CASK: variants seen among roughly 807,000 people sequenced by gnomAD.
CASK encodes calcium/calmodulin dependent serine protein kinase.
A neutral mutation model predicts 82.9 loss-of-function variants in CASK; 4 were observed. The ratio of observed to expected loss-of-function variants is 0.05; its 90% confidence interval spans 0.02 to 0.11. The LOEUF (loss-of-function observed/expected upper bound fraction) is 0.11. Ranked by LOEUF, CASK falls within the 10% of genes least tolerant of loss-of-function variation. The pLI is 1.00. For missense variants in CASK, 358 were observed against 720.9 expected (o/e 0.50, Z 5.76); for synonymous variants, 259 against 253.5 (o/e 1.02, Z -0.20).
In CASK at chrX:41,756,083, T is replaced by C. The variant is rs139728364; in HGVS notation, c.279-10482A>G. On this transcript the variant is annotated intron_variant, in intron 3 of 26. Coordinates refer to ENST00000378163, the MANE Select transcript of CASK (RefSeq NM_001367721.1). ...AAGGCCAAGAAGACTCAAGATATTC[T>C]GGAAGAATAACACCTCTTGGAGTTT... is the stretch of plus-strand genomic sequence containing the variant. 9.8e-3 allele frequency among the ~76,000 whole-genome samples: 1,094 copies of C among 112,191 alleles called. 16 individuals are homozygous for C. Among genetic ancestry groups the C allele is most frequent in the African/African-American group, 0.034 (1,041 of 30,923 alleles).
intron 22 of CASK, 46 bp downstream of exon 22, chrX:41,542,645 T>G: frequency 7.4e-6 from 6 of 812,027 alleles, no homozygotes; most frequent in South Asian, 2.1e-5. Flanking sequence ...TTTTAGGTCT[T>G]GGAGATGCTT....
At chrX:41,783,481 G>A (rs1204322831) in intron 3 of CASK, among the ~76,000 whole-genome samples, 3 of 107,796 alleles carry the variant, frequency 2.8e-5, no homozygotes, top group African/African-American at 1.0e-4. Context: ...CCTGGGAGAC[G>A]GAGGTTGCAG....
intron 12 of CASK, among the ~76,000 whole-genome samples, chrX:41,591,884 C>A (rs1352894937): frequency 1.8e-5 from 2 of 111,312 alleles, no homozygotes; most frequent in Admixed American, 9.6e-5. Context: ...CATTTAGTCA[C>A]CCCCTGACGT....
At chrX:41,629,479 C>T (rs1044923274) in intron 9 of CASK, among the ~76,000 whole-genome samples, 1 of 111,896 alleles carries the variant, frequency 8.9e-6, no homozygotes, top group Non-Finnish European at 1.9e-5. Context: ...GGCTTAGCAA[C>T]CTGTTAAGGT....
chrX:41,719,881 A>G (rs1035559928), intron 5 of CASK, among the ~76,000 whole-genome samples: 2 of 113,006 alleles, frequency 1.8e-5, no homozygotes, highest in African/African-American at 6.4e-5. Context: ...TTGCACCAGT[A>G]TAAGCATGCC....
chrX:41,548,486 T>C (rs2147126150), intron 21 of CASK, among the ~76,000 whole-genome samples: 1 of 112,161 alleles, frequency 8.9e-6, no homozygotes, highest in East Asian at 2.8e-4. Flanking sequence ...CTGTCTTCCA[T>C]ATCTCTTACT....
At chrX:41,898,023 TG>T (rs943592684) in intron 1 of CASK, among the ~76,000 whole-genome samples, 1 of 112,034 alleles carries the variant, frequency 8.9e-6, no homozygotes, top group African/African-American at 3.2e-5. Context: ...TTCAATTTTT[TG>T]GAAGAGTTTA....
At chrX:41,682,529 G>GGA (rs2067374244) in intron 5 of CASK, among the ~76,000 whole-genome samples, 2 of 23,175 alleles carry the variant, frequency 8.6e-5, no homozygotes, top group African/African-American at 4.5e-4. Flanking sequence ...ACTGTCTCAG[G>GGA]AAAAAAAAAA....
intron 11 of CASK, among the ~76,000 whole-genome samples, chrX:41,612,860 C>T (rs1391124756): frequency 2.3e-5 from 2 of 88,066 alleles, no homozygotes; most frequent in Non-Finnish European, 4.6e-5. Context: ...CCTGGCCAGC[C>T]GCCCCGTCCG....
intron 5 of CASK, among the ~76,000 whole-genome samples, chrX:41,711,211 G>A (rs1313637063): frequency 8.9e-6 from 1 of 111,959 alleles, no homozygotes; most frequent in Non-Finnish European, 1.9e-5. Flanking sequence ...CTATCTCTAG[G>A]TACATAGTGT....
At chrX:41,906,660 T>C (rs1301383103) in intron 1 of CASK, among the ~76,000 whole-genome samples, 1 of 111,560 alleles carries the variant, frequency 9.0e-6, no homozygotes, top group Non-Finnish European at 1.9e-5. Context: ...ACAGAAAGAG[T>C]CACCACAGCA....
intron 3 of CASK, among the ~76,000 whole-genome samples, chrX:41,771,931 T>G (rs1040795773): frequency 9.1e-5 from 10 of 109,965 alleles, no homozygotes; most frequent in African/African-American, 3.0e-4. Context: ...GAGGTACAAA[T>G]AAAACCCAAG....
chrX:41,686,992 T>C (rs1046354917), intron 5 of CASK, among the ~76,000 whole-genome samples: 4 of 111,639 alleles, frequency 3.6e-5, no homozygotes, highest in African/African-American at 1.3e-4. Context: ...AAAGCTTATA[T>C]AAAGAAAGAA....
intron 6 of CASK, among the ~76,000 whole-genome samples, chrX:41,669,216 G>T (rs1223877221): frequency 2.7e-5 from 3 of 111,723 alleles, no homozygotes; most frequent in African/African-American, 9.8e-5. Context: ...TAGAAGCATG[G>T]AGAAAAATAC....
chrX:41,642,225 T>C (rs1015282362), intron 8 of CASK, among the ~76,000 whole-genome samples: 5 of 111,816 alleles, frequency 4.5e-5, no homozygotes, highest in African/African-American at 1.3e-4. Flanking sequence ...TGTGTCTTTA[T>C]AGCAGCATGA....
At chrX:41,551,953 G>A (rs184652139) in intron 21 of CASK, among the ~76,000 whole-genome samples, 38 of 105,301 alleles carry the variant, frequency 3.6e-4, no homozygotes, top group Non-Finnish European at 7.0e-4. Context: ...CGGACACAGA[G>A]TCTCACTCTG....
intron 22 of CASK, among the ~76,000 whole-genome samples, chrX:41,539,449 A>T (rs776840806): frequency 4.5e-5 from 5 of 112,225 alleles, no homozygotes; most frequent in Non-Finnish European, 7.5e-5. Flanking sequence ...TTTACTGAGT[A>T]GTAACAGAAG....
intron 25 of CASK, among the ~76,000 whole-genome samples, chrX:41,526,660 G>A (rs2064717808): frequency 8.9e-6 from 1 of 111,802 alleles, no homozygotes; most frequent in Non-Finnish European, 1.9e-5. Context: ...CTACGAATCA[G>A]GTTATATTCC....
chrX:41,618,161 TTC>T (rs961946044), intron 11 of CASK, among the ~76,000 whole-genome samples: 2 of 112,735 alleles, frequency 1.8e-5, no homozygotes, highest in African/African-American at 6.4e-5. Context: ...AGAAAACAAT[TTC>T]TTTTATAGTA....
Sources: allele counts gnomAD v4.1 joint callset (sites outside exome capture counted in the v4.1 genomes callset), GRCh38; gene constraint gnomAD v4.1.1; transcripts MANE v1.5; gene names NCBI Gene and HGNC (gene_info 2026-07-23, HGNC 2026-07-21).